The following CNTRL variants were observed in gnomAD, a reference collection of about 807,000 sequenced individuals.
CNTRL encodes centriolin.
CNTRL carries 233 observed loss-of-function variants against 303.7 expected under a neutral mutation model. That is an observed-to-expected ratio of 0.77 (90% CI 0.69 to 0.86). The LOEUF is 0.86. Ranked by LOEUF, CNTRL falls within the 40% of genes least tolerant of loss-of-function variation. CNTRL has a pLI of 0.00. For missense variants in CNTRL, 2,524 were observed against 2,650.6 expected (o/e 0.95, Z 1.05); for synonymous variants, 900 against 922.2 (o/e 0.98, Z 0.44).
chr9:121,167,960 G>T, intron 37 of CNTRL, 136 bp from the exon 38 acceptor site: 2 of 788,154 alleles, frequency 2.5e-6, no homozygotes, highest in Admixed American at 5.5e-5. Flanking sequence ...AAGCCCTCTT[G>T]ATCACCTCTG....
chr9:121,101,617 G>GT (rs915873845), intron 7 of CNTRL, among the ~76,000 whole-genome samples: 2 of 152,114 alleles, frequency 1.3e-5, no homozygotes, highest in African/African-American at 4.8e-5. Context: ...CCAGGAGCTG[G>GT]TTTTTTGAAA....
At chr9:121,101,489 A>G (rs138572233) in intron 7 of CNTRL, among the ~76,000 whole-genome samples, 2,700 of 152,330 alleles carry the variant, frequency 0.018, 79 homozygotes, top group African/African-American at 0.061. Flanking sequence ...CAATTAAAAG[A>G]ACTAGAGAAG....
At position 121,094,372 on chromosome 9, in the gene CNTRL, A is replaced by G. The variant is rs370475608; in HGVS notation, c.349-516A>G. On this transcript the variant is annotated intron_variant, in intron 4 of 43. Transcript: ENST00000373855. ...AAGAGAGCAAAAGATCCTGAGACAC[A>G]GAGAGAAAAAGGAGACTGAACTGTG... is the stretch of plus-strand genomic sequence containing the variant. 1.6e-3 allele frequency among the ~76,000 whole-genome samples: 240 copies of G among 151,930 alleles called. 1 individual carries two copies. Among genetic ancestry groups the G allele is most frequent in the South Asian group, 9.9e-3 (48 of 4,826 alleles).
At chr9:121,122,649 G>A (rs1014767831) in intron 12 of CNTRL, among the ~76,000 whole-genome samples, 1 of 152,216 alleles carries the variant, frequency 6.6e-6, no homozygotes, top group Admixed American at 6.5e-5. Flanking sequence ...GTCTCCATAT[G>A]AACAGTTGCC....
chr9:121,157,854 CAAG>C lies in CNTRL; in HGVS notation c.4618_4620del (p.Lys1540del). On this transcript the variant is annotated inframe_deletion, in exon 29 of 44. Transcript: ENST00000373855. ...AAGACTCAGACTTCCAATGTTTAAG[CAAG>C]AAGAAGGAAAAACTGACAGAAGAGT... 3 of 1,613,998 alleles carry C rather than the reference CAAG, an allele frequency of 1.9e-6. No individual in the cohort carries two copies. Among genetic ancestry groups the C allele is most frequent in the Non-Finnish European group, 2.5e-6 (3 of 1,179,986 alleles).
At chr9:121,096,649 C>T in intron 6 of CNTRL, 86 bp downstream of exon 6, 3 of 1,146,594 alleles carry the variant, frequency 2.6e-6, no homozygotes, top group Non-Finnish European at 3.4e-6. Flanking sequence ...AATGGGATTT[C>T]TTCTTTTAAA....
At position 121,106,228 on chromosome 9, in the gene CNTRL, A is replaced by G. The variant is rs1367892345; in HGVS notation, c.809-1574A>G. 2.6e-5 allele frequency among the ~76,000 whole-genome samples: 4 copies of G among 151,166 alleles called. 1 individual carries two copies. In the South Asian group the frequency reaches 6.3e-4, roughly 24 times the overall value. On this transcript the variant is annotated intron_variant, in intron 7 of 43. Transcript: ENST00000373855. Reference sequence around the variant, plus strand: ...GTTTTGGGCGCCTGTAATCTCAGCTATTTGGGAAGCTGAGAGAAGAGAATC... The same window carrying G: ...GTTTTGGGCGCCTGTAATCTCAGCTGTTTGGGAAGCTGAGAGAAGAGAATC...
intron 4 of CNTRL, among the ~76,000 whole-genome samples, chr9:121,092,061 C>T (rs2048599016): frequency 7.0e-6 from 1 of 143,820 alleles, no homozygotes; most frequent in Non-Finnish European, 1.5e-5. Flanking sequence ...ACACAACGGG[C>T]AAAATATATA....
chr9:121,143,135 C>T (rs946236576), intron 19 of CNTRL, among the ~76,000 whole-genome samples: 18 of 152,142 alleles, frequency 1.2e-4, no homozygotes, highest in African/African-American at 4.1e-4. Flanking sequence ...CTCTCCCATG[C>T]CTCACTGTTT....
chr9:121,089,827 G>A (rs1014454285), intron 3 of CNTRL, among the ~76,000 whole-genome samples: 1 of 152,026 alleles, frequency 6.6e-6, no homozygotes, highest in Non-Finnish European at 1.5e-5. Context: ...TTGAGCAAAT[G>A]ATTTTTTTTA....
At chr9:121,104,167 C>T (rs12004674) in intron 7 of CNTRL, among the ~76,000 whole-genome samples, 4,096 of 152,270 alleles carry the variant, frequency 0.027, 182 homozygotes, top group African/African-American at 0.094. Flanking sequence ...AAATGTGGCA[C>T]ATATACACCA....
At chr9:121,094,271 T>C (rs920122453) in intron 4 of CNTRL, among the ~76,000 whole-genome samples, 4 of 152,114 alleles carry the variant, frequency 2.6e-5, no homozygotes, top group East Asian at 1.9e-4. Context: ...AAGTTCAAGA[T>C]TGAGGTGCTG....
chr9:121,078,767 CACTT>C (rs1181796995), intron 1 of CNTRL, among the ~76,000 whole-genome samples: 2 of 152,160 alleles, frequency 1.3e-5, no homozygotes, highest in African/African-American at 4.8e-5. Flanking sequence ...ATTCAGGGAG[CACTT>C]ACTTACATTT....
chr9:121,126,851 C>T (rs948177864), intron 14 of CNTRL, among the ~76,000 whole-genome samples: 1 of 148,650 alleles, frequency 6.7e-6, no homozygotes, highest in African/African-American at 2.5e-5. Flanking sequence ...GATGAATTTT[C>T]GCTCTTGTTG....
At chr9:121,108,131 T>C in intron 8 of CNTRL, 136 bp downstream of exon 8, 1 of 568,958 alleles carries the variant, frequency 1.8e-6, no homozygotes, top group Non-Finnish European at 3.0e-6. Flanking sequence ...GAAAGGCTTA[T>C]GAATTGTAGT....
Position 121,104,336 on chromosome 9 carries a change from G to T in CNTRL, c.809-3466G>T, listed in dbSNP as rs1393563125. Among the ~76,000 whole-genome samples, 6 of 152,250 alleles carry T rather than the reference G, an allele frequency of 3.9e-5. No homozygotes were observed. The East Asian group carries it at 9.7e-4, about 25-fold the overall frequency. ...TGGGAACTGAACAATGAGAACACTT[G>T]GACACAGGGTGGGTAACACCACACA... On this transcript the variant is annotated intron_variant, in intron 7 of 43. Transcript: ENST00000373855.
At chr9:121,090,172 C>T (rs941407605) in intron 3 of CNTRL, 103 bp from the exon 4 acceptor site, 2 of 945,056 alleles carry the variant, frequency 2.1e-6, no homozygotes, top group African/African-American at 5.5e-5. Context: ...TTGGTATATT[C>T]ATGGCTTAAT....
At position 121,177,162 on chromosome 9, in the gene CNTRL, G is replaced by A; in HGVS notation, c.6955-1G>A. 1 of 1,610,494 alleles carries A rather than the reference G, an allele frequency of 6.2e-7. No homozygotes were observed. The highest frequency in any genetic ancestry group is 8.5e-7 in the Non-Finnish European group (1 of 1,177,602). ...TTATCCTTCCTTTTGTCTTACTGTA[G>A]GAAAAGAATGCCTCAGCCAGATGAG... On this transcript the variant is annotated splice_acceptor_variant, in intron 43 of 43. Coordinates refer to ENST00000373855, the MANE Select transcript of CNTRL (RefSeq NM_007018.6). LOFTEE classifies it high-confidence loss of function.
chr9:121,094,294 G>A (rs1164680108), intron 4 of CNTRL, among the ~76,000 whole-genome samples: 1 of 152,050 alleles, frequency 6.6e-6, no homozygotes, highest in African/African-American at 2.4e-5. Context: ...TCTAGGGAGG[G>A]CCTTCTTGCT....
Sources: gnomAD v4.1 joint callset for allele counts (sites outside exome capture counted in the v4.1 genomes callset) on GRCh38, gnomAD v4.1.1 for gene constraint, MANE v1.5 for transcripts, NCBI Gene and HGNC (gene_info 2026-07-23, HGNC 2026-07-21) for gene names.